PLCB4: variants seen among roughly 807,000 people sequenced by gnomAD.
PLCB4 encodes the protein phospholipase C beta 4, also known as 1-phosphatidylinositol 4,5-bisphosphate phosphodiesterase beta-4.
PLCB4 carries 77 observed loss-of-function variants against 178.8 expected under a neutral mutation model. That is an observed-to-expected ratio of 0.43 (90% confidence interval 0.36 to 0.52). The LOEUF is 0.52. PLCB4 is among the 20% of genes least tolerant of loss of function. The pLI is 0.00. For synonymous variants in PLCB4, 496 were observed against 490.8 expected (o/e 1.01, Z -0.14); for missense variants, 1,024 against 1,453.4 (o/e 0.70, Z 4.80).
chr20:9,393,097 C>A (rs2038281047), intron 17 of PLCB4, among the ~76,000 whole-genome samples: 1 of 152,126 alleles, frequency 6.6e-6, no homozygotes, highest in Non-Finnish European at 1.5e-5. Context: ...CTTATCAAAC[C>A]TACAAAACCA....
chr20:9,328,931 A>G (rs1476729433), intron 4 of PLCB4, among the ~76,000 whole-genome samples: 3 of 152,220 alleles, frequency 2.0e-5, no homozygotes, highest in Non-Finnish European at 4.4e-5. Context: ...TGAAATGCAG[A>G]AAGTTTAATA....
At chr20:9,423,010 A>G (rs1375921038) in intron 27 of PLCB4, among the ~76,000 whole-genome samples, 1 of 152,164 alleles carries the variant, frequency 6.6e-6, no homozygotes, top group African/African-American at 2.4e-5. Flanking sequence ...CACATTGGAT[A>G]CCCTTTTTGT....
intron 3 of PLCB4, among the ~76,000 whole-genome samples, chr20:9,303,950 TGA>T (rs1437236712): frequency 1.3e-5 from 2 of 152,156 alleles, no homozygotes; most frequent in Non-Finnish European, 2.9e-5. Flanking sequence ...GTAAATGTTG[TGA>T]GTTTGTGCTG....
intron 3 of PLCB4, among the ~76,000 whole-genome samples, chr20:9,236,656 C>T (rs2093996622): frequency 6.6e-6 from 1 of 152,164 alleles, no homozygotes. Context: ...AGATGTCAGA[C>T]ACCAAGGCAG....
At chr20:9,140,347 A>G (rs2092462930) in intron 2 of PLCB4, among the ~76,000 whole-genome samples, 1 of 151,992 alleles carries the variant, frequency 6.6e-6, no homozygotes, top group Non-Finnish European at 1.5e-5. Flanking sequence ...CTTGATTATG[A>G]TCTGCCTCCC....
chr20:9,078,358 C>G (rs2089979925), intron 1 of PLCB4, among the ~76,000 whole-genome samples: 1 of 150,910 alleles, frequency 6.6e-6, no homozygotes, highest in African/African-American at 2.4e-5. Context: ...CTTTTCTTCT[C>G]TTTTCTTTTC....
intron 2 of PLCB4, among the ~76,000 whole-genome samples, chr20:9,129,631 A>G (rs1230466994): frequency 2.0e-5 from 3 of 152,174 alleles, no homozygotes; most frequent in Admixed American, 2.0e-4. Context: ...GGAGAGCAAC[A>G]GTGAGATTTC....
chr20:9,474,706 C>A (rs913767754), intron 38 of PLCB4, among the ~76,000 whole-genome samples: 5 of 139,238 alleles, frequency 3.6e-5, no homozygotes, highest in African/African-American at 1.3e-4. Context: ...AAAATAAAAT[C>A]TTTTTTGTAT....
At chr20:9,104,256 T>G (rs1214284345) in intron 2 of PLCB4, among the ~76,000 whole-genome samples, 1 of 152,162 alleles carries the variant, frequency 6.6e-6, no homozygotes, top group Non-Finnish European at 1.5e-5. Flanking sequence ...TGCTTGGTCT[T>G]CCTCATAGCA....
intron 2 of PLCB4, among the ~76,000 whole-genome samples, chr20:9,165,767 C>T (rs1022459011): frequency 6.7e-6 from 1 of 149,096 alleles, no homozygotes; most frequent in Non-Finnish European, 1.5e-5. Flanking sequence ...ACGCTGTCAC[C>T]GATGGATGGG....
chr20:9,380,047 A>T lies in PLCB4; in HGVS notation c.745-7A>T. ...TCAACCTAAATGGAGTTATTTTCTT[A>T]TCATAGCATCAACGAGATCCTCGAT... On this transcript the variant is annotated splice_polypyrimidine_tract_variant and splice_region_variant and intron_variant, in intron 12 of 39. Coordinates refer to ENST00000378473, the MANE Select transcript of PLCB4 (RefSeq NM_001377142.1). The T allele has an allele frequency of 6.8e-7, 1 of 1,480,180 alleles. No homozygotes were observed. The highest frequency in any genetic ancestry group is 9.4e-7 in the Non-Finnish European group (1 of 1,066,316). The allele number at this position is 1,480,180 out of a possible 1,614,324, so 91.7% of individuals were successfully genotyped here. A position where few individuals can be genotyped will look rare whatever the true frequency, so the allele number is the denominator to read the frequency against.
chr20:9,327,731 A>T (rs1038000331), intron 4 of PLCB4, among the ~76,000 whole-genome samples: 1 of 151,872 alleles, frequency 6.6e-6, no homozygotes, highest in African/African-American at 2.4e-5. Flanking sequence ...AGCTGGGATC[A>T]TGCCCCTGCA....
intron 20 of PLCB4, among the ~76,000 whole-genome samples, chr20:9,404,086 C>T (rs551626487): frequency 3.9e-4 from 60 of 152,184 alleles, no homozygotes; most frequent in South Asian, 1.5e-3. Context: ...TTTTCTTTTT[C>T]GGATGAATGA....
chr20:9,457,305 CT>C (rs1168506689), intron 33 of PLCB4, 108 bp from the exon 34 acceptor site: 4 of 691,242 alleles, frequency 5.8e-6, no homozygotes, highest in African/African-American at 1.8e-5. Flanking sequence ...GCCATGACAT[CT>C]CATATTTGAT....
rs1347474766 is a variant in PLCB4, at chr20:9,408,019, G to A, written c.1750G>A (p.Ala584Thr). 6.2e-6 allele frequency: 10 copies of A among 1,613,388 alleles called. No homozygotes were observed. Among genetic ancestry groups the A allele is most frequent in the African/African-American group, 2.7e-5 (2 of 74,860 alleles). ...ATATTTGTCCACAATGATCAACTAC[G>A]CCCAGCCTGTAAAGTTTCAAGGTTT... Reference protein sequence around the residue: ...HPYLSTMINYAQPVKFQGFHV... With the variant: ...HPYLSTMINYTQPVKFQGFHV... The change falls in exon 22 of 40, where the codon GCC becomes ACC. Residue 584 changes from alanine to threonine, a missense_variant. By Grantham distance (58) the Ala-to-Thr change is moderately conservative. Transcript: ENST00000378473.
At chr20:9,449,671 G>A (rs888737563) in intron 32 of PLCB4, among the ~76,000 whole-genome samples, 14 of 152,190 alleles carry the variant, frequency 9.2e-5, no homozygotes, top group African/African-American at 3.1e-4. Context: ...CCACCAGTTT[G>A]CAGTATCAAC....
In PLCB4 at chr20:9,371,263, G is replaced by A; in HGVS notation, c.553G>A (p.Ala185Thr). The stretch of plus-strand genomic sequence containing the variant: ...AAAAACAGAAAAGGTGATCTTTCAA[G>A]CACTCAAGGAGTTAGGTCTTCCCAG... The part of the protein sequence containing the change: ...SGKTEKVIFQ[A>T]LKELGLPSGK... Residue 185 changes from alanine (A) to threonine (T), a missense_variant, in exon 10 of 40, where the codon GCA becomes ACA. This residue lies in a region of PLCB4 where 225 missense variants were observed against 291.0 expected (regional missense o/e 0.77). Coordinates refer to ENST00000378473, the MANE Select transcript of PLCB4 (RefSeq NM_001377142.1). The A allele has an allele frequency of 6.2e-7, 1 of 1,609,588 alleles. No individual in the cohort carries two copies. Among genetic ancestry groups the A allele is most frequent in the Non-Finnish European group, 8.5e-7 (1 of 1,175,944 alleles).
At chr20:9,477,390 A>G (rs557140799) in intron 39 of PLCB4, among the ~76,000 whole-genome samples, 4 of 152,312 alleles carry the variant, frequency 2.6e-5, no homozygotes, top group Admixed American at 2.0e-4. Context: ...TGGTCACCCA[A>G]CTCATATAAG....
intron 33 of PLCB4, among the ~76,000 whole-genome samples, 162 bp downstream of exon 33, chr20:9,453,624 T>C (rs1941054545): frequency 6.6e-6 from 1 of 152,308 alleles, no homozygotes; most frequent in Non-Finnish European, 1.5e-5. Context: ...TTTTAAATGC[T>C]CTAACATCAT....
Sources: gnomAD v4.1 joint callset for allele counts (sites outside exome capture counted in the v4.1 genomes callset) on GRCh38, gnomAD v4.1.1 for gene constraint, gnomAD v4.1.1 regional missense constraint, MANE v1.5 for transcripts, NCBI Gene and HGNC (gene_info 2026-07-23, HGNC 2026-07-21) for gene names.